GLMN: variants seen among roughly 807,000 people sequenced by gnomAD.
GLMN encodes glomulin.
In GLMN, 75 loss-of-function variants were observed where a neutral mutation model predicts 87.8. That is an observed-to-expected ratio of 0.85 (90% CI 0.71 to 1.04). GLMN has a LOEUF of 1.04. Among genes scored for constraint, GLMN ranks in the 50% least tolerant of loss-of-function variants. GLMN has a pLI of 0.00. For missense variants in GLMN, 588 were observed against 658.8 expected (o/e 0.89, Z 1.18); for synonymous variants, 206 against 221.6 (o/e 0.93, Z 0.63).
At chr1:92,255,437 C>G (rs188463705) in intron 16 of GLMN, among the ~76,000 whole-genome samples, 54 of 152,316 alleles carry the variant, frequency 3.5e-4, no homozygotes, top group Non-Finnish European at 6.9e-4. Context: ...CTCTCCACCC[C>G]AAATCAACAG....
At chr1:92,337,287 C>G in the GLMN span, among the ~76,000 whole-genome samples, 22 of 152,190 alleles carry the variant, frequency 1.4e-4, no homozygotes, top group Middle Eastern at 0.01. Flanking sequence ...AGTTTCTTGG[C>G]ATAGTCAGCT....
rs150718599 is a variant in GLMN, at chr1:92,273,662, C to T, written c.736-2010G>A. Among the ~76,000 whole-genome samples, 894 of 151,860 alleles carry T rather than the reference C, an allele frequency of 5.9e-3. 7 individuals are homozygous for T. Among genetic ancestry groups the T allele is most frequent in the African/African-American group, 0.019 (786 of 41,386 alleles). ...ATAGAGATGGGGTTTCGCCATGCAG[C>T]CCAGGCTGGTCTTGAACTCCTGGGC... is the stretch of plus-strand genomic sequence containing the variant. On this transcript the variant is annotated intron_variant, in intron 7 of 18. Coordinates refer to ENST00000370360, the MANE Select transcript of GLMN (RefSeq NM_053274.3).
At chr1:92,312,930 ATCTCAGC>A in the GLMN span, among the ~76,000 whole-genome samples, 1 of 151,902 alleles carries the variant, frequency 6.6e-6, no homozygotes, top group Non-Finnish European at 1.5e-5. Context: ...CAGTGGCGAA[ATCTCAGC>A]TCACTGCAAC....
At chr1:92,344,614 A>G in the GLMN span, among the ~76,000 whole-genome samples, 1 of 152,118 alleles carries the variant, frequency 6.6e-6, no homozygotes, top group Non-Finnish European at 1.5e-5. Context: ...TTTAGGCTTT[A>G]TATCTAGAAG....
At chr1:92,299,077 G>A (rs1443455292), upstream of GLMN, 137 of 1,506,398 alleles carry the variant, frequency 9.1e-5, 1 homozygote, top group Non-Finnish European at 1.2e-4. Flanking sequence ...CTCCCCCATG[G>A]CGGACTTCGC....
the GLMN span, among the ~76,000 whole-genome samples, chr1:92,367,218 T>TTAAG: frequency 2.3e-3 from 343 of 152,288 alleles, 2 homozygotes; most frequent in Middle Eastern, 0.02. Flanking sequence ...TTTGGGAAAA[T>TTAAG]TAAGTGTGAT....
At chr1:92,357,834 T>C in the GLMN span, among the ~76,000 whole-genome samples, 3 of 152,254 alleles carry the variant, frequency 2.0e-5, no homozygotes, top group Admixed American at 6.5e-5. Context: ...ACCCTGCCCC[T>C]GAGATAAATT....
At chr1:92,263,190 G>T (rs556696081) in intron 15 of GLMN, among the ~76,000 whole-genome samples, 3 of 151,828 alleles carry the variant, frequency 2.0e-5, no homozygotes, top group Non-Finnish European at 2.9e-5. Context: ...TGAATTTTAA[G>T]ATTACTTTTT....
At chr1:92,345,336 C>T in the GLMN span, among the ~76,000 whole-genome samples, 57 of 145,910 alleles carry the variant, frequency 3.9e-4, no homozygotes, top group East Asian at 0.011. Context: ...TATGAAGAGC[C>T]ACTGCACTGC....
chr1:92,266,527 G>A (rs1557529733), intron 12 of GLMN, 35 bp from the exon 13 acceptor site: 1 of 1,299,492 alleles, frequency 7.7e-7, no homozygotes, highest in East Asian at 2.4e-5. Context: ...TATATAAAAT[G>A]AATAAAGCTT....
At chr1:92,345,193 A>G in the GLMN span, among the ~76,000 whole-genome samples, 2 of 151,924 alleles carry the variant, frequency 1.3e-5, no homozygotes, top group Admixed American at 1.3e-4. Flanking sequence ...ATGAAGTAAA[A>G]TTAAAATCAG....
At chr1:92,269,924 TG>T in intron 8 of GLMN, 148 bp from the exon 9 acceptor site, 1 of 632,256 alleles carries the variant, frequency 1.6e-6, no homozygotes. Context: ...TGACCTTATT[TG>T]GAGATAGGGT....
the GLMN span, among the ~76,000 whole-genome samples, chr1:92,311,686 G>A: frequency 2.0e-5 from 3 of 152,170 alleles, no homozygotes; most frequent in Non-Finnish European, 4.4e-5. Flanking sequence ...GGCATATCTT[G>A]GAGATATTGC....
upstream of GLMN, among the ~76,000 whole-genome samples, chr1:92,302,590 ATTTTTTTT>A (rs36067595): frequency 3.4e-3 from 256 of 74,332 alleles, 2 homozygotes; most frequent in Middle Eastern, 0.026. Flanking sequence ...TCCGCATTAA[ATTTTTTTT>A]TTTTTTTTTT....
chr1:92,324,366 C>T, the GLMN span: 1 of 1,611,304 alleles, frequency 6.2e-7, no homozygotes, highest in African/African-American at 1.3e-5. Context: ...AATCACAAGA[C>T]TCAGAAGAGG....
chr1:92,356,591 T>G, the GLMN span, among the ~76,000 whole-genome samples: 5 of 150,212 alleles, frequency 3.3e-5, no homozygotes, highest in Middle Eastern at 3.4e-3. Flanking sequence ...GCTAATTTTT[T>G]TTTTTTTTTT....
the GLMN span, among the ~76,000 whole-genome samples, chr1:92,361,092 A>T: frequency 1.7e-5 from 2 of 120,084 alleles, no homozygotes; most frequent in Admixed American, 1.0e-4. Context: ...ATATATATAT[A>T]ATATATATAT....
At position 92,269,926 on chromosome 1, in the gene GLMN, G is replaced by A; in HGVS notation, c.924-150C>T. 4 of 629,572 alleles carry A rather than the reference G, an allele frequency of 6.4e-6. No individual in the cohort carries two copies. In the South Asian group the frequency reaches 7.1e-5, roughly 11 times the overall value. 39.0% of individuals were successfully genotyped at this position (629,572 alleles called of 1,614,324 possible). ...GTACCTCAGAATTTGACCTTATTTGGAGATAGGGTTATGGAGGTAATCAAT... is the reference window on the plus strand; with the variant it reads ...GTACCTCAGAATTTGACCTTATTTGAAGATAGGGTTATGGAGGTAATCAAT... On this transcript the variant is annotated intron_variant, in intron 8 of 18. Transcript: ENST00000370360.
intron 9 of GLMN, 65 bp from the exon 10 acceptor site, chr1:92,268,200 T>G: frequency 3.4e-6 from 3 of 880,490 alleles, no homozygotes; most frequent in South Asian, 1.4e-5. Flanking sequence ...CTTCATCTTA[T>G]GAAAAATACA....
Sources: allele counts gnomAD v4.1 joint callset (sites outside exome capture counted in the v4.1 genomes callset), GRCh38; gene constraint gnomAD v4.1.1; transcripts MANE v1.5; gene names NCBI Gene and HGNC (gene_info 2026-07-23, HGNC 2026-07-21).